Variants in SNRPN observed in about 807,000 individuals in gnomAD.
The protein encoded by SNRPN is small nuclear ribonucleoprotein polypeptide N, also known as small nuclear ribonucleoprotein-associated protein N.
A neutral mutation model predicts 25.2 loss-of-function variants in SNRPN; 7 were observed. That is an observed-to-expected ratio of 0.28 (90% CI 0.16 to 0.52). SNRPN has a LOEUF of 0.52. Ranked by LOEUF, SNRPN falls within the 20% of genes least tolerant of loss-of-function variation. SNRPN has a pLI of 0.96. For synonymous variants in SNRPN, 124 were observed against 110.6 expected, an observed-to-expected ratio of 1.12 and a Z score of -0.76; for missense variants, 196 against 322.5, an observed-to-expected ratio of 0.61 and a Z score of 3.00.
chr15:24,919,615 A>C (rs578143561), intron 2 of SNRPN, among the ~76,000 whole-genome samples: 1 of 152,246 alleles, frequency 6.6e-6, no homozygotes, highest in East Asian at 1.9e-4. Context: ...GAGAAACCTC[A>C]AAGGTTAGGG....
intron 2 of SNRPN, among the ~76,000 whole-genome samples, chr15:24,891,141 C>A (rs1251124298): frequency 6.6e-6 from 1 of 152,086 alleles, no homozygotes; most frequent in Non-Finnish European, 1.5e-5. Flanking sequence ...AAACTCCTGG[C>A]CTCAAGTGAT....
In SNRPN at chr15:24,978,051, A is replaced by C. The variant is rs1027999045; in HGVS notation, c.559+135A>C. The C allele has an allele frequency of 5.0e-6, 6 of 1,195,130 alleles. No homozygotes were observed. The African/African-American group carries it at 7.6e-5, about 15-fold the overall frequency. The allele number at this position is 1,195,130 out of a possible 1,614,324, so 74.0% of individuals were successfully genotyped here. The stretch of plus-strand genomic sequence containing the variant: ...TCTAGATACTGGTTTTTAATGAAAG[A>C]CATAGAAGAGTAATTGTCATATAGA... On this transcript the variant is annotated intron_variant, in intron 8 of 9. Coordinates refer to ENST00000390687, the MANE Select transcript of SNRPN (RefSeq NM_003097.6).
chr15:24,918,079 G>C (rs1488585119), intron 2 of SNRPN, among the ~76,000 whole-genome samples: 1 of 151,854 alleles, frequency 6.6e-6, no homozygotes, highest in Non-Finnish European at 1.5e-5. Context: ...CAGTAAGTTT[G>C]AGGGTAGAAT....
intron 2 of SNRPN, among the ~76,000 whole-genome samples, chr15:24,895,172 T>A (rs2057997478): frequency 6.6e-6 from 1 of 152,122 alleles, no homozygotes; most frequent in African/African-American, 2.4e-5. Context: ...TTCCTCTGGG[T>A]AAAGCGTGGC....
intron 2 of SNRPN, among the ~76,000 whole-genome samples, chr15:24,902,830 G>A (rs187942814): frequency 4.6e-5 from 7 of 152,346 alleles, no homozygotes; most frequent in African/African-American, 1.7e-4. Flanking sequence ...GACCCAAAGA[G>A]TGAGCAGCAG....
Position 24,926,738 on chromosome 15 carries a change from C to T in SNRPN, c.-391+6614C>T, listed in dbSNP as rs369830676. 2.5e-4 allele frequency among the ~76,000 whole-genome samples: 38 copies of T among 152,040 alleles called. 3 individuals are homozygous for T. Among genetic ancestry groups the T allele is most frequent in the African/African-American group, 8.9e-4 (37 of 41,462 alleles). ...AGAATATTAGTAGCAGGTGTGCTGG[C>T]TCACGGGTATAATCCCAGCACCGTG... On this transcript the variant is annotated intron_variant, in intron 3 of 11. Coordinates refer to the SNRPN transcript ENST00000400097.
At chr15:24,924,425 G>T (rs1489509236) in intron 3 of SNRPN, among the ~76,000 whole-genome samples, 2 of 151,418 alleles carry the variant, frequency 1.3e-5, no homozygotes, top group Non-Finnish European at 2.9e-5. Context: ...TCCCTGGTTA[G>T]TGAGTTTCCT....
chr15:24,850,893 A>G (rs1026287350), intron 2 of SNRPN: 1 of 151,832 alleles, frequency 6.6e-6, no homozygotes, highest in African/African-American at 2.4e-5. Flanking sequence ...TTATTAGGAA[A>G]CCATATCTGT....
intron 3 of SNRPN, among the ~76,000 whole-genome samples, chr15:24,927,124 T>C (rs1030995074): frequency 6.6e-6 from 1 of 152,022 alleles, no homozygotes; most frequent in East Asian, 1.9e-4. Flanking sequence ...TTTCTCCCCC[T>C]TTTCTTTTTT....
chr15:24,968,926 CTG>C (rs2076043297), intron 3 of SNRPN: 2 of 152,148 alleles, frequency 1.3e-5, no homozygotes, highest in South Asian at 2.1e-4. Context: ...TGTTTTTCCT[CTG>C]TGATTTTTCT....
chr15:24,864,315 G>A (rs112618601), intron 1 of SNRPN, among the ~76,000 whole-genome samples: 2,732 of 145,906 alleles, frequency 0.019, 118 homozygotes, highest in African/African-American at 0.065. Flanking sequence ...GGCAAGAACC[G>A]CCGCTCCCGG....
chr15:24,955,891 G>A (rs1201234992), intron 1 of SNRPN, among the ~76,000 whole-genome samples: 5 of 151,924 alleles, frequency 3.3e-5, no homozygotes, highest in African/African-American at 7.3e-5. Flanking sequence ...GTCGCTGTCC[G>A]GAGTGACTAA....
intron 1 of SNRPN, among the ~76,000 whole-genome samples, chr15:24,872,869 CTCAAAAAAAAAA>C (rs1426534648): frequency 1.9e-5 from 1 of 52,912 alleles, no homozygotes; most frequent in Non-Finnish European, 3.4e-5. Context: ...GAGACTCCGT[CTCAAAAAAAAAA>C]AAAAAAAAAA....
chr15:24,864,657 G>A (rs981167810), intron 1 of SNRPN, among the ~76,000 whole-genome samples: 2 of 146,020 alleles, frequency 1.4e-5, no homozygotes, highest in African/African-American at 5.1e-5. Flanking sequence ...GTTTTTTTTT[G>A]TTTGTTTGCT....
At chr15:24,965,660 A>C (rs945973673) in intron 2 of SNRPN, among the ~76,000 whole-genome samples, 1 of 152,140 alleles carries the variant, frequency 6.6e-6, no homozygotes, top group Non-Finnish European at 1.5e-5. Context: ...GTTCGAAGGG[A>C]AATTGGAAAT....
intron 3 of SNRPN, 120 bp downstream of exon 3, chr15:24,968,202 C>T (rs530285657): frequency 3.1e-6 from 2 of 655,344 alleles, no homozygotes; most frequent in African/African-American, 3.6e-5. Context: ...ACAATAAACA[C>T]ATTGCAGAAA....
intron 2 of SNRPN, chr15:24,908,907 T>G: frequency 1.1e-6 from 1 of 920,694 alleles, no homozygotes; most frequent in East Asian, 2.4e-5. Context: ...ATCTGAAAAA[T>G]CATCATAGAA....
chr15:24,847,665 G>T (rs1301413666), intron 2 of SNRPN, among the ~76,000 whole-genome samples: 1 of 152,088 alleles, frequency 6.6e-6, no homozygotes, highest in African/African-American at 2.4e-5. Context: ...ATTGCTGCAG[G>T]GGTCAGTGGT....
intron 3 of SNRPN, among the ~76,000 whole-genome samples, chr15:24,939,110 C>G (rs2153007417): frequency 6.6e-6 from 1 of 152,238 alleles, no homozygotes; most frequent in African/African-American, 2.4e-5. Context: ...AAACCCAGAA[C>G]ACATGGTAAT....
Sources: allele counts gnomAD v4.1 joint callset (sites outside exome capture counted in the v4.1 genomes callset), GRCh38; gene constraint gnomAD v4.1.1; transcripts MANE v1.5; gene names NCBI Gene and HGNC (gene_info 2026-07-23, HGNC 2026-07-21).